Variants in KIN observed in about 807,000 individuals in gnomAD.
KIN encodes the protein DNA/RNA-binding protein KIN17.
Under a neutral mutation model 63.0 loss-of-function variants are expected in KIN, and 47 were observed. The ratio of observed to expected loss-of-function variants is 0.75; its 90% CI spans 0.59 to 0.95. The LOEUF is 0.95. Ranked by LOEUF, KIN falls within the 40% of genes least tolerant of loss-of-function variation. The pLI is 0.00. For synonymous variants in KIN, 160 were observed against 157.7 expected (o/e 1.01, Z -0.11); for missense variants, 408 against 460.9 (o/e 0.89, Z 1.05).
intron 5 of KIN, among the ~76,000 whole-genome samples, chr10:7,777,696 G>A (rs1406325575): frequency 6.6e-6 from 1 of 152,082 alleles, no homozygotes; most frequent in Non-Finnish European, 1.5e-5. Flanking sequence ...TCAGGAGTTT[G>A]AGATCAACCT....
chr10:7,786,257 T>C (rs78954971), intron 1 of KIN, among the ~76,000 whole-genome samples: 2,387 of 152,272 alleles, frequency 0.016, 70 homozygotes, highest in African/African-American at 0.054. Context: ...TATTAGATGA[T>C]AAAGAGGAAC....
At chr10:7,774,567 T>A (rs1835730049) in intron 7 of KIN, among the ~76,000 whole-genome samples, 1 of 151,544 alleles carries the variant, frequency 6.6e-6, no homozygotes, top group Non-Finnish European at 1.5e-5. Context: ...GTGCCTGTAA[T>A]CCCAGCTATT....
At chr10:7,779,846 A>C (rs948349601) in intron 4 of KIN, among the ~76,000 whole-genome samples, 1 of 152,226 alleles carries the variant, frequency 6.6e-6, no homozygotes, top group Non-Finnish European at 1.5e-5. Flanking sequence ...CATAGTATTT[A>C]TTCAGTTCTA....
chr10:7,771,761 G>A (rs1234435923), intron 7 of KIN, among the ~76,000 whole-genome samples: 1 of 151,982 alleles, frequency 6.6e-6, no homozygotes, highest in Non-Finnish European at 1.5e-5. Flanking sequence ...CGAGCATGGT[G>A]GTGCATGCCT....
chr10:7,773,195 G>A (rs1395379832), intron 7 of KIN, among the ~76,000 whole-genome samples: 1 of 152,232 alleles, frequency 6.6e-6, no homozygotes, highest in African/African-American at 2.4e-5. Flanking sequence ...CCAGAGCACA[G>A]CCAGCAGGCT....
Position 7,751,329 on chromosome 10 carries a change from T to C in KIN, c.*4751A>G, listed in dbSNP as rs2130973561. On this transcript the variant is annotated 3_prime_UTR_variant, in exon 13 of 13. Coordinates refer to ENST00000379562, the MANE Select transcript of KIN (RefSeq NM_012311.4). ...TCATTGTAGAGGCAAAACTCTTTTT[T>C]TGGACATATCCAACCCATATTTGAA... 1 of 152,382 alleles carries C rather than the reference T, an allele frequency of 6.6e-6. No homozygotes were observed. Among genetic ancestry groups the C allele is most frequent in the East Asian group, 1.9e-4 (1 of 5,196 alleles). 9.4% of individuals were successfully genotyped at this position (152,382 alleles called of 1,614,324 possible).
At chr10:7,782,587 C>T (rs946361731) in intron 2 of KIN, among the ~76,000 whole-genome samples, 3 of 151,868 alleles carry the variant, frequency 2.0e-5, no homozygotes, top group South Asian at 2.1e-4. Flanking sequence ...TTAGTAGAGA[C>T]GGGGTTTTGT....
At chr10:7,773,152 G>C (rs1427306589) in intron 7 of KIN, among the ~76,000 whole-genome samples, 1 of 152,166 alleles carries the variant, frequency 6.6e-6, no homozygotes, top group African/African-American at 2.4e-5. Flanking sequence ...AAAAGGCAAG[G>C]GACAGATTCT....
intron 5 of KIN, among the ~76,000 whole-genome samples, chr10:7,778,478 C>T (rs114824917): frequency 0.049 from 7,474 of 152,254 alleles, 611 homozygotes; most frequent in African/African-American, 0.17. Flanking sequence ...CGGTGGCTCA[C>T]GCCTGTAATC....
intron 10 of KIN, among the ~76,000 whole-genome samples, chr10:7,763,110 G>A (rs534753560): frequency 1.3e-5 from 2 of 152,168 alleles, no homozygotes; most frequent in East Asian, 3.9e-4. Flanking sequence ...ATAAAAGTTA[G>A]CCAGGTGCGG....
intron 7 of KIN, among the ~76,000 whole-genome samples, chr10:7,771,860 G>A (rs6602271): frequency 0.34 from 49,864 of 147,332 alleles, 9,320 homozygotes; most frequent in Non-Finnish European, 0.42. Context: ...ATGCCACTGC[G>A]CTCCAGCCTG....
At chr10:7,782,859 G>A (rs987880498) in intron 2 of KIN, among the ~76,000 whole-genome samples, 2 of 152,220 alleles carry the variant, frequency 1.3e-5, no homozygotes. Context: ...AGACAGTTTT[G>A]TATATCTGAA....
rs1835291435 is a variant in KIN, at chr10:7,754,378, T to G, written c.*1702A>C. 4.0e-6 allele frequency: 1 copy of G among 246,948 alleles called. No individual in the cohort carries two copies. Among genetic ancestry groups the G allele is most frequent in the African/African-American group, 2.3e-5 (1 of 43,606 alleles). The allele number at this position is 246,948 out of a possible 1,614,324, so 15.3% of individuals were successfully genotyped here. On this transcript the variant is annotated 3_prime_UTR_variant, in exon 13 of 13. Coordinates refer to ENST00000379562, the MANE Select transcript of KIN (RefSeq NM_012311.4). ...AAAGAGGCGTAGTGGCTCATGCCTGTAATCCCAGCACTTTGGGAGGCTGAG... is the reference window on the plus strand; with the variant it reads ...AAAGAGGCGTAGTGGCTCATGCCTGGAATCCCAGCACTTTGGGAGGCTGAG...
chr10:7,785,845 A>G (rs1835992512), intron 1 of KIN, among the ~76,000 whole-genome samples: 1 of 151,946 alleles, frequency 6.6e-6, no homozygotes, highest in East Asian at 1.9e-4. Context: ...GGGTGGAGGG[A>G]AAATGGGTTA....
intron 8 of KIN, among the ~76,000 whole-genome samples, chr10:7,768,141 C>T (rs1835589668): frequency 6.6e-6 from 1 of 151,988 alleles, no homozygotes; most frequent in Non-Finnish European, 1.5e-5. Flanking sequence ...ATTTAGAGCC[C>T]AAGTATGGCC....
At chr10:7,757,669 C>T (rs911009943) in intron 12 of KIN, among the ~76,000 whole-genome samples, 1 of 151,900 alleles carries the variant, frequency 6.6e-6, no homozygotes, top group African/African-American at 2.4e-5. Context: ...TTACTGCTTC[C>T]CTTCACAACA....
intron 2 of KIN, 135 bp downstream of exon 2, chr10:7,782,946 A>G: frequency 2.4e-6 from 1 of 420,140 alleles, no homozygotes; most frequent in Non-Finnish European, 4.2e-6. Flanking sequence ...TCAAAAGAAG[A>G]TAAAAACTGA....
chr10:7,778,741 A>AAAC (rs111726843), intron 5 of KIN, 97 bp downstream of exon 5: 523 of 1,210,784 alleles, frequency 4.3e-4, no homozygotes, highest in East Asian at 1.1e-3. Flanking sequence ...TCCATCTCCA[A>AAAC]AACAACAACA....
chr10:7,775,117 G>A (rs780554931), intron 6 of KIN, among the ~76,000 whole-genome samples: 4 of 152,150 alleles, frequency 2.6e-5, no homozygotes, highest in South Asian at 2.1e-4. Context: ...AGACCACACC[G>A]GCGCTTCCCT....
Sources: gnomAD v4.1 joint callset for allele counts (sites outside exome capture counted in the v4.1 genomes callset) on GRCh38, gnomAD v4.1.1 for gene constraint, MANE v1.5 for transcripts, NCBI Gene and HGNC (gene_info 2026-07-23, HGNC 2026-07-21) for gene names.